The following RAD54L2 variants were observed in gnomAD, a reference collection of about 807,000 sequenced individuals.
RAD54L2 encodes RAD54 like 2, also known as helicase ARIP4.
RAD54L2 carries 27 observed loss-of-function variants against 138.4 expected under a neutral mutation model. The observed-to-expected ratio is 0.20, with a 90% CI of 0.14 to 0.27. The LOEUF is 0.27. Among genes scored for constraint, RAD54L2 ranks in the 10% least tolerant of loss-of-function variants. RAD54L2 has a pLI of 1.00. For missense variants in RAD54L2, 1,396 were observed against 1,890.2 expected, an observed-to-expected ratio of 0.74 and a Z score of 4.85; for synonymous variants, 644 against 723.2, an observed-to-expected ratio of 0.89 and a Z score of 1.76.
At chr3:51,565,616 G>A (rs9881402) in intron 2 of RAD54L2, among the ~76,000 whole-genome samples, 1 of 151,862 alleles carries the variant, frequency 6.6e-6, no homozygotes, top group Admixed American at 6.6e-5. Context: ...AGGATTACAG[G>A]TGCGTGCCAC....
chr3:51,660,832 G>C (rs1400491162), intron 22 of RAD54L2, among the ~76,000 whole-genome samples: 1 of 151,626 alleles, frequency 6.6e-6, no homozygotes, highest in East Asian at 1.9e-4. Context: ...ATGTTGATCA[G>C]GCTGGTCTCG....
chr3:51,663,591 A>T lies in RAD54L2; in HGVS notation c.*171A>T. 6 of 189,260 alleles carry T rather than the reference A, an allele frequency of 3.2e-5. No individual in the cohort carries two copies. Among genetic ancestry groups the T allele is most frequent in the Non-Finnish European group, 4.7e-5 (5 of 107,092 alleles). 11.7% of individuals were successfully genotyped at this position (189,260 alleles called of 1,614,324 possible). A position where few individuals can be genotyped will look rare whatever the true frequency, so the allele number is the denominator to read the frequency against. On this transcript the variant is annotated 3_prime_UTR_variant, in exon 23 of 23. Coordinates refer to ENST00000684192, the MANE Select transcript of RAD54L2 (RefSeq NM_015106.4). ...GAGCTCTGTTGCTGTTTAACAAAAG[A>T]GGCAAAAAAAAAAAAAAAAAAAAAA...
At chr3:51,609,736 G>GTGTT (rs1267538821) in intron 3 of RAD54L2, among the ~76,000 whole-genome samples, 2 of 148,278 alleles carry the variant, frequency 1.3e-5, no homozygotes, top group Non-Finnish European at 3.0e-5. Flanking sequence ...GTGTGTGTGT[G>GTGTT]TGTGGTTTGT....
chr3:51,560,287 T>C (rs1435624034), intron 2 of RAD54L2, among the ~76,000 whole-genome samples: 2 of 152,272 alleles, frequency 1.3e-5, no homozygotes, highest in East Asian at 3.9e-4. Context: ...TGTCTTTTAC[T>C]CTTTTATTGA....
chr3:51,620,558 G>C (rs1332427235), intron 3 of RAD54L2, among the ~76,000 whole-genome samples: 2 of 151,696 alleles, frequency 1.3e-5, no homozygotes, highest in African/African-American at 4.8e-5. Flanking sequence ...AAAGAGTCCT[G>C]GAAGTGTTTG....
rs1044457504 is a variant in RAD54L2, at chr3:51,665,472, C to G, written c.*2052C>G. 1 of 152,156 alleles carries G rather than the reference C, an allele frequency of 6.6e-6. No individual in the cohort carries two copies. Among genetic ancestry groups the G allele is most frequent in the Non-Finnish European group, 1.5e-5 (1 of 68,034 alleles). 9.4% of individuals were successfully genotyped at this position (152,156 alleles called of 1,614,324 possible). A position where few individuals can be genotyped will look rare whatever the true frequency, so the allele number is the denominator to read the frequency against. On this transcript the variant is annotated 3_prime_UTR_variant, in exon 23 of 23. Transcript: ENST00000684192. ...TGTGTTTGTCTGCTGTCCAATAACA[C>G]CAAAAGTGGAACTTAAGAAGCTTTG... is the stretch of plus-strand genomic sequence containing the variant.
intron 2 of RAD54L2, among the ~76,000 whole-genome samples, chr3:51,579,940 A>G (rs1442942219): frequency 6.6e-6 from 1 of 152,160 alleles, no homozygotes; most frequent in Non-Finnish European, 1.5e-5. Context: ...TCCAACACCA[A>G]CAATCACTTC....
chr3:51,589,200 A>G (rs6809155), intron 2 of RAD54L2, among the ~76,000 whole-genome samples: 136,889 of 152,206 alleles, frequency 0.9, 61,799 homozygotes, highest in African/African-American at 0.97. Context: ...GAACATCATA[A>G]TTTGGGCTAG....
chr3:51,663,224 C>T lies in RAD54L2; in HGVS notation c.4208C>T (p.Pro1403Leu). 6.2e-7 allele frequency: 1 copy of T among 1,613,974 alleles called. No homozygotes were observed. The highest frequency in any genetic ancestry group is 8.5e-7 in the Non-Finnish European group (1 of 1,179,876). ...EPRMFAPFPS[P>L]VLPSNLSRGM... ...AGGATGTTTGCGCCTTTTCCTTCCCCTGTCTTGCCCAGCAACCTTTCGCGG... is the reference window on the plus strand; with the variant it reads ...AGGATGTTTGCGCCTTTTCCTTCCCTTGTCTTGCCCAGCAACCTTTCGCGG... The change falls in exon 23 of 23, where the codon CCT (proline) becomes CTT (leucine). Residue 1403 changes from proline to leucine, a missense_variant. Pro to Leu is a moderately conservative substitution (Grantham distance 98). Transcript: ENST00000684192.
At chr3:51,617,553 G>A (rs185773520) in intron 3 of RAD54L2, among the ~76,000 whole-genome samples, 2 of 152,250 alleles carry the variant, frequency 1.3e-5, no homozygotes, top group East Asian at 1.9e-4. Context: ...TGGATTCTGT[G>A]TAGTCTTACT....
At chr3:51,562,468 G>A (rs557609242) in intron 2 of RAD54L2, among the ~76,000 whole-genome samples, 4 of 152,174 alleles carry the variant, frequency 2.6e-5, no homozygotes, top group African/African-American at 9.7e-5. Context: ...GACCTCAGGT[G>A]ATCTGCCCGC....
At position 51,552,561 on chromosome 3, in the gene RAD54L2, C is replaced by CTTT. The variant is rs58505964; in HGVS notation, c.-55+10935_-55+10937dup. Among the ~76,000 whole-genome samples the CTTT allele has an allele frequency of 1.3e-3, 142 of 106,726 alleles. 5 individuals are homozygous for CTTT. The highest frequency in any genetic ancestry group is 5.6e-3 in the Middle Eastern group (1 of 180). The allele number at this position is 106,726 out of a possible 152,430, so 70.0% of individuals were successfully genotyped here. A position where few individuals can be genotyped will look rare whatever the true frequency, so the allele number is the denominator to read the frequency against. On this transcript the variant is annotated intron_variant, in intron 2 of 22. Coordinates refer to ENST00000684192, the MANE Select transcript of RAD54L2 (RefSeq NM_015106.4). ...ACAGGTGTGAGCCACTGCGCCTGGCCTTTTTTTTTTTTTTTTTTTTTTTTT... is the reference window on the plus strand; with the variant it reads ...ACAGGTGTGAGCCACTGCGCCTGGCCTTTTTTTTTTTTTTTTTTTTTTTTTTTT...
intron 22 of RAD54L2, among the ~76,000 whole-genome samples, chr3:51,661,666 T>C (rs902358349): frequency 6.6e-6 from 1 of 152,202 alleles, no homozygotes; most frequent in African/African-American, 2.4e-5. Flanking sequence ...CCCTGCTTTG[T>C]ATTATGGAAA....
intron 3 of RAD54L2, among the ~76,000 whole-genome samples, chr3:51,625,141 G>A (rs532277496): frequency 2.6e-5 from 4 of 152,266 alleles, no homozygotes; most frequent in African/African-American, 4.8e-5. Flanking sequence ...ATGGGAGGCC[G>A]GGCACAGTGG....
chr3:51,665,397 G>C lies in RAD54L2; in HGVS notation c.*1977G>C, dbSNP rs1288087724. On this transcript the variant is annotated 3_prime_UTR_variant, in exon 23 of 23. Transcript: ENST00000684192. ...GGGCCTTAGCAGACTCTGGGGTATT[G>C]TCCTCAGAGAAGAGACAAGGAGATG... 6.6e-6 allele frequency: 1 copy of C among 152,130 alleles called. No individual in the cohort carries two copies. Among genetic ancestry groups the C allele is most frequent in the African/African-American group, 2.4e-5 (1 of 41,400 alleles). The allele number at this position is 152,130 out of a possible 1,614,324, so 9.4% of individuals were successfully genotyped here. A position where few individuals can be genotyped will look rare whatever the true frequency, so the allele number is the denominator to read the frequency against.
intron 2 of RAD54L2, among the ~76,000 whole-genome samples, chr3:51,548,011 C>A (rs1440708675): frequency 6.6e-6 from 1 of 151,782 alleles, no homozygotes; most frequent in Non-Finnish European, 1.5e-5. Context: ...CCTGCCTCAG[C>A]CTTCCAAGTA....
intron 19 of RAD54L2, among the ~76,000 whole-genome samples, chr3:51,648,544 G>A (rs551387082): frequency 4.6e-5 from 7 of 152,318 alleles, no homozygotes; most frequent in African/African-American, 1.7e-4. Flanking sequence ...ACACTTCCCA[G>A]TAGGGGCCGA....
intron 3 of RAD54L2, among the ~76,000 whole-genome samples, chr3:51,626,339 G>A (rs1700681443): frequency 6.6e-6 from 1 of 151,492 alleles, no homozygotes; most frequent in African/African-American, 2.4e-5. Flanking sequence ...TACTCAGCAG[G>A]CTGAGGACAG....
intron 3 of RAD54L2, among the ~76,000 whole-genome samples, chr3:51,599,532 AT>A (rs1188850580): frequency 2.0e-5 from 3 of 152,004 alleles, no homozygotes; most frequent in African/African-American, 7.2e-5. Flanking sequence ...GTGAAAAAAA[AT>A]AATCCAAGTA....
Sources: allele counts gnomAD v4.1 joint callset (sites outside exome capture counted in the v4.1 genomes callset), GRCh38; gene constraint gnomAD v4.1.1; transcripts MANE v1.5; gene names NCBI Gene and HGNC (gene_info 2026-07-23, HGNC 2026-07-21).